The following VPS41 variants were observed in gnomAD, a reference collection of about 807,000 sequenced individuals.
The protein encoded by VPS41 is VPS41 subunit of HOPS complex.
VPS41 carries 85 observed loss-of-function variants against 130.9 expected under a neutral mutation model. The observed-to-expected ratio is 0.65, with a 90% CI of 0.55 to 0.78. VPS41 has a LOEUF of 0.78. VPS41 is among the 30% of genes least tolerant of loss of function. The probability of loss-of-function intolerance (pLI) is 0.00; values close to 1 mark genes in which losing one functional copy is unlikely to be tolerated. For missense variants in VPS41, 874 were observed against 1,018.7 expected (o/e 0.86, Z 1.93); for synonymous variants, 335 against 332.9 (o/e 1.01, Z -0.07).
At chr7:38,861,421 T>C (rs183273004) in intron 4 of VPS41, among the ~76,000 whole-genome samples, 2 of 152,162 alleles carry the variant, frequency 1.3e-5, no homozygotes, top group African/African-American at 4.8e-5. Flanking sequence ...GTCATCAAGA[T>C]GCATGTCCAG....
chr7:38,891,565 T>A (rs1176093244), intron 2 of VPS41, among the ~76,000 whole-genome samples: 2 of 152,224 alleles, frequency 1.3e-5, no homozygotes, highest in Admixed American at 6.5e-5. Flanking sequence ...GATACACACA[T>A]AATATCTGCC....
Position 38,889,166 on chromosome 7 carries a change from A to G in VPS41, c.60+8925T>C, listed in dbSNP as rs980517675. 6.0e-5 allele frequency among the ~76,000 whole-genome samples: 9 copies of G among 149,776 alleles called. No homozygotes were observed. In the East Asian group the frequency reaches 1.6e-3, roughly 26 times the overall value. ...TGAAAAAAATAATAAAAGGGCCAACATTCATGTTATTACAGTTCCACAGGG... is the reference window on the plus strand; with the variant it reads ...TGAAAAAAATAATAAAAGGGCCAACGTTCATGTTATTACAGTTCCACAGGG... On this transcript the variant is annotated intron_variant, in intron 2 of 28. Coordinates refer to ENST00000310301, the MANE Select transcript of VPS41 (RefSeq NM_014396.4).
At chr7:38,868,470 C>T (rs1466161741) in intron 3 of VPS41, among the ~76,000 whole-genome samples, 1 of 152,126 alleles carries the variant, frequency 6.6e-6, no homozygotes, top group African/African-American at 2.4e-5. Context: ...GAGCAGTTTG[C>T]TTTTTGTGGA....
chr7:38,839,834 G>A lies in VPS41; in HGVS notation c.247-9506C>T, dbSNP rs528509377. On this transcript the variant is annotated intron_variant, in intron 4 of 28. Coordinates refer to ENST00000310301, the MANE Select transcript of VPS41 (RefSeq NM_014396.4). ...CCTCTCCAGCACTAAACCCTTCTTT[G>A]ATTCAAGATGGAGAATATATTAATC... is the stretch of plus-strand genomic sequence containing the variant. Among the ~76,000 whole-genome samples, 32 of 152,268 alleles carry A rather than the reference G, an allele frequency of 2.1e-4. No homozygotes were observed. In the East Asian group the frequency reaches 6.0e-3, roughly 28 times the overall value.
chr7:38,755,201 G>C (rs1348286285), intron 19 of VPS41, among the ~76,000 whole-genome samples: 1 of 147,826 alleles, frequency 6.8e-6, no homozygotes, highest in Non-Finnish European at 1.5e-5. Context: ...AAAACATCTT[G>C]ACTGCCCATA....
rs79626963 is a variant in VPS41, at chr7:38,906,784, A to T, written c.21+2370T>A. Reference sequence around the variant, plus strand: ...AAGGGCTAATTCTACTTCATAAAGTAAAAAAACTATTTAGATTTAGGTTCT... The same window carrying T: ...AAGGGCTAATTCTACTTCATAAAGTTAAAAAACTATTTAGATTTAGGTTCT... On this transcript the variant is annotated intron_variant, in intron 1 of 28. Coordinates refer to ENST00000310301, the MANE Select transcript of VPS41 (RefSeq NM_014396.4). 1.1e-3 allele frequency among the ~76,000 whole-genome samples: 167 copies of T among 152,346 alleles called. No individual in the cohort carries two copies. The East Asian group carries it at 0.03, about 28-fold the overall frequency.
chr7:38,868,752 T>C (rs964265824), intron 3 of VPS41, among the ~76,000 whole-genome samples: 2 of 152,122 alleles, frequency 1.3e-5, no homozygotes, highest in African/African-American at 4.8e-5. Context: ...TTTCCAATAA[T>C]AACTTAATAA....
chr7:38,753,180 C>T (rs188928755), intron 21 of VPS41, among the ~76,000 whole-genome samples: 52 of 152,236 alleles, frequency 3.4e-4, no homozygotes, highest in Admixed American at 5.9e-4. Flanking sequence ...ACCAATCCCA[C>T]GAGCATTAAC....
intron 7 of VPS41, among the ~76,000 whole-genome samples, chr7:38,800,024 C>CA (rs1784695204): frequency 6.6e-6 from 1 of 151,908 alleles, no homozygotes; most frequent in South Asian, 2.1e-4. Flanking sequence ...ATCATGGACT[C>CA]AAAGCTTTTA....
chr7:38,792,440 A>G (rs904955383), intron 9 of VPS41, among the ~76,000 whole-genome samples: 12 of 152,296 alleles, frequency 7.9e-5, no homozygotes, highest in Admixed American at 3.9e-4. Flanking sequence ...TTTCAGCAAA[A>G]GGTAGTTTCA....
chr7:38,838,602 A>G (rs1183897392), intron 4 of VPS41, among the ~76,000 whole-genome samples: 1 of 152,244 alleles, frequency 6.6e-6, no homozygotes, highest in Non-Finnish European at 1.5e-5. Context: ...TATAGAACAT[A>G]CAAAAATGTT....
intron 4 of VPS41, among the ~76,000 whole-genome samples, chr7:38,856,906 T>G (rs566966824): frequency 6.6e-6 from 1 of 152,056 alleles, no homozygotes; most frequent in Non-Finnish European, 1.5e-5. Context: ...CAGATAAAAA[T>G]TACTAGAGAG....
chr7:38,783,109 T>C (rs968813217), intron 10 of VPS41, among the ~76,000 whole-genome samples: 40 of 151,894 alleles, frequency 2.6e-4, no homozygotes, highest in African/African-American at 8.7e-4. Context: ...GCCTGGGTGA[T>C]AGAGCGAGAC....
chr7:38,803,014 TC>T (rs1456750175), intron 7 of VPS41, among the ~76,000 whole-genome samples: 7 of 152,224 alleles, frequency 4.6e-5, no homozygotes, highest in Admixed American at 4.6e-4. Flanking sequence ...TTCCCATAAA[TC>T]CACATTCTGG....
At position 38,726,181 on chromosome 7, in the gene VPS41, C is replaced by T. The variant is rs78649601; in HGVS notation, c.*65G>A. On this transcript the variant is annotated 3_prime_UTR_variant, in exon 29 of 29. Transcript: ENST00000310301. ...TTAACAGCACGAGTGTCAACAAATG[C>T]TTTTGTTGTTGCAAAAACAGTCTCA... 4.0e-5 allele frequency: 45 copies of T among 1,119,886 alleles called. No homozygotes were observed. The highest frequency in any genetic ancestry group is 1.4e-4 in the Admixed American group (8 of 58,260). 69.4% of individuals were successfully genotyped at this position (1,119,886 alleles called of 1,614,324 possible). A position where few individuals can be genotyped will look rare whatever the true frequency, so the allele number is the denominator to read the frequency against.
intron 21 of VPS41, 132 bp from the exon 22 acceptor site, chr7:38,752,445 T>A: frequency 9.5e-7 from 1 of 1,051,764 alleles, no homozygotes; most frequent in Non-Finnish European, 1.3e-6. Context: ...GGAAAACCTC[T>A]AGGTGATGGA....
chr7:38,744,565 A>T (rs980126096), intron 23 of VPS41, among the ~76,000 whole-genome samples: 12 of 152,362 alleles, frequency 7.9e-5, no homozygotes, highest in Admixed American at 7.2e-4. Context: ...GTCCCTAATA[A>T]GTCCTCTACT....
intron 2 of VPS41, among the ~76,000 whole-genome samples, chr7:38,879,712 G>C (rs142281350): frequency 8.0e-4 from 122 of 152,130 alleles, no homozygotes; most frequent in African/African-American, 2.9e-3. Flanking sequence ...ATCACAGTAG[G>C]GTTCATGCTT....
At chr7:38,783,456 C>T (rs1403287350) in intron 10 of VPS41, among the ~76,000 whole-genome samples, 3 of 152,052 alleles carry the variant, frequency 2.0e-5, no homozygotes, top group Non-Finnish European at 4.4e-5. Context: ...ATTGCTTGAA[C>T]CTGGGAGGCA....
Sources: allele counts gnomAD v4.1 joint callset (sites outside exome capture counted in the v4.1 genomes callset), GRCh38; gene constraint gnomAD v4.1.1; transcripts MANE v1.5; gene names NCBI Gene and HGNC (gene_info 2026-07-23, HGNC 2026-07-21).